The following ENOX1 variants were observed in gnomAD, a reference collection of about 807,000 sequenced individuals.
The protein encoded by ENOX1 is candidate growth-related and time keeping constitutive hydroquinone (NADH) oxidase.
A neutral mutation model predicts 82.5 loss-of-function variants in ENOX1; 42 were observed. The ratio of observed to expected loss-of-function variants is 0.51; its 90% CI spans 0.40 to 0.66. The LOEUF (loss-of-function observed/expected upper bound fraction) is 0.66, where lower values mean the gene tolerates loss of function less well. ENOX1 is among the 30% of genes least tolerant of loss of function. The pLI, the probability that ENOX1 is intolerant of heterozygous loss-of-function variation, is 0.00. For missense variants in ENOX1, 608 were observed against 811.6 expected (o/e 0.75, Z 3.05); for synonymous variants, 271 against 282.2 (o/e 0.96, Z 0.40).
intron 2 of ENOX1, among the ~76,000 whole-genome samples, chr13:43,618,874 G>A (rs2082599042): frequency 6.6e-6 from 1 of 152,090 alleles, no homozygotes; most frequent in African/African-American, 2.4e-5. Context: ...CATGAACATG[G>A]AATGTGTTTC....
At chr13:43,773,072 A>G (rs1951735448) in intron 1 of ENOX1, among the ~76,000 whole-genome samples, 1 of 152,216 alleles carries the variant, frequency 6.6e-6, no homozygotes, top group Non-Finnish European at 1.5e-5. Context: ...TCCCTTGTCC[A>G]GGAACCCACC....
chr13:43,284,497 C>T (rs867063549), intron 12 of ENOX1, among the ~76,000 whole-genome samples: 1 of 151,998 alleles, frequency 6.6e-6, no homozygotes, highest in Non-Finnish European at 1.5e-5. Flanking sequence ...TGAGTGATAC[C>T]TGGTTTAAAA....
At chr13:43,447,496 C>T (rs766204363) in intron 3 of ENOX1, among the ~76,000 whole-genome samples, 1 of 151,982 alleles carries the variant, frequency 6.6e-6, no homozygotes, top group Non-Finnish European at 1.5e-5. Context: ...GGGTAGGAAC[C>T]CTGCAAGATA....
intron 2 of ENOX1, among the ~76,000 whole-genome samples, chr13:43,542,143 T>A (rs543093665): frequency 2.0e-5 from 3 of 152,236 alleles, no homozygotes; most frequent in African/African-American, 7.2e-5. Context: ...CTTCTTCTTT[T>A]TTTTCTTTTT....
At chr13:43,715,475 G>T (rs1018138721) in intron 1 of ENOX1, among the ~76,000 whole-genome samples, 4 of 151,986 alleles carry the variant, frequency 2.6e-5, no homozygotes, top group Non-Finnish European at 5.9e-5. Context: ...GAGTATCTTT[G>T]TGGCGTTCTC....
At chr13:43,475,872 A>G (rs1186336029) in intron 3 of ENOX1, among the ~76,000 whole-genome samples, 1 of 151,812 alleles carries the variant, frequency 6.6e-6, no homozygotes, top group African/African-American at 2.4e-5. Flanking sequence ...CCTAAACTCT[A>G]AGATATACAG....
chr13:43,320,755 G>C (rs1247858643), intron 11 of ENOX1, among the ~76,000 whole-genome samples: 2 of 152,142 alleles, frequency 1.3e-5, no homozygotes, highest in East Asian at 3.9e-4. Flanking sequence ...AAGAATCCAA[G>C]TTTCATGTCA....
chr13:43,445,271 C>G (rs990421813), intron 3 of ENOX1, among the ~76,000 whole-genome samples: 6 of 151,048 alleles, frequency 4.0e-5, no homozygotes, highest in Non-Finnish European at 7.4e-5. Flanking sequence ...CTACAGGCAC[C>G]CACCACCACG....
intron 11 of ENOX1, among the ~76,000 whole-genome samples, chr13:43,315,781 A>C (rs754624094): frequency 9.5e-4 from 145 of 152,164 alleles, no homozygotes; most frequent in Non-Finnish European, 1.9e-3. Flanking sequence ...CTTATTACAT[A>C]AATATTCCCT....
At chr13:43,483,053 T>C (rs765815162) in intron 3 of ENOX1, among the ~76,000 whole-genome samples, 3 of 151,900 alleles carry the variant, frequency 2.0e-5, no homozygotes. Flanking sequence ...ATAAAAGAAA[T>C]AAAAAAAGTA....
At chr13:43,389,529 C>G (rs2052636141) in intron 5 of ENOX1, among the ~76,000 whole-genome samples, 1 of 152,176 alleles carries the variant, frequency 6.6e-6, no homozygotes, top group Admixed American at 6.6e-5. Flanking sequence ...AGTTAAAATA[C>G]TTAATCCACG....
At chr13:43,297,260 A>T (rs4505205) in intron 12 of ENOX1, among the ~76,000 whole-genome samples, 145,075 of 152,234 alleles carry the variant, frequency 0.95, 69,551 homozygotes, top group East Asian at 1. Context: ...AGGTTGATGT[A>T]TCTGTAGTAG....
At chr13:43,730,491 C>A (rs924781264) in intron 1 of ENOX1, among the ~76,000 whole-genome samples, 4 of 152,178 alleles carry the variant, frequency 2.6e-5, no homozygotes, top group East Asian at 1.9e-4. Context: ...TTTAATAATT[C>A]TTCTGTTTTG....
At chr13:43,269,403 G>T in intron 13 of ENOX1, 67 bp downstream of exon 13, 1 of 1,201,944 alleles carries the variant, frequency 8.3e-7, no homozygotes, top group Non-Finnish European at 1.2e-6. Context: ...CACGGGTGAC[G>T]CACAAGGGAG....
At chr13:43,525,778 T>C (rs547303099) in intron 2 of ENOX1, among the ~76,000 whole-genome samples, 1 of 152,308 alleles carries the variant, frequency 6.6e-6, no homozygotes, top group African/African-American at 2.4e-5. Context: ...GTATATCTTC[T>C]TTGGAGAAAT....
Position 43,581,323 on chromosome 13 carries a change from G to A in ENOX1, c.-219+86156C>T, listed in dbSNP as rs558138204. 2.7e-5 allele frequency among the ~76,000 whole-genome samples: 4 copies of A among 150,700 alleles called. No individual in the cohort carries two copies. In the South Asian group the frequency reaches 8.5e-4, roughly 32 times the overall value. ...AATTTTTTGTATTTTTAGTAGAGACGGGGTTTCACCGTTTTAGCCGGGATG... is the reference window on the plus strand; with the variant it reads ...AATTTTTTGTATTTTTAGTAGAGACAGGGTTTCACCGTTTTAGCCGGGATG... On this transcript the variant is annotated intron_variant, in intron 2 of 16. Transcript: ENST00000690772.
intron 9 of ENOX1, among the ~76,000 whole-genome samples, chr13:43,340,794 T>A (rs2049004720): frequency 6.6e-6 from 1 of 152,228 alleles, no homozygotes; most frequent in Non-Finnish European, 1.5e-5. Flanking sequence ...GTTTCAGGGT[T>A]CCCTCCTGCC....
intron 1 of ENOX1, among the ~76,000 whole-genome samples, chr13:43,758,838 T>C (rs1950801291): frequency 6.6e-6 from 1 of 152,192 alleles, no homozygotes; most frequent in Admixed American, 6.5e-5. Context: ...TAGTATTCAA[T>C]AAATGTTACT....
At chr13:43,770,834 C>T (rs867374901) in intron 1 of ENOX1, among the ~76,000 whole-genome samples, 10 of 149,670 alleles carry the variant, frequency 6.7e-5, no homozygotes, top group Non-Finnish European at 1.3e-4. Context: ...GGTGCAACAA[C>T]AGCATTTTTG....
Sources: allele counts gnomAD v4.1 joint callset (sites outside exome capture counted in the v4.1 genomes callset), GRCh38; gene constraint gnomAD v4.1.1; transcripts MANE v1.5; gene names NCBI Gene and HGNC (gene_info 2026-07-23, HGNC 2026-07-21).